The following AUTS2 variants were observed in gnomAD, a reference collection of about 807,000 sequenced individuals.
The protein encoded by AUTS2 is autism susceptibility gene 2 protein.
AUTS2 carries 17 observed loss-of-function variants against 112.4 expected under a neutral mutation model. That is an observed-to-expected ratio of 0.15 (90% CI 0.10 to 0.23). AUTS2 has a LOEUF of 0.23. Ranked by LOEUF, AUTS2 falls within the 10% of genes least tolerant of loss-of-function variation. AUTS2 has a pLI of 1.00. For missense variants in AUTS2, 1,510 were observed against 1,701.6 expected (o/e 0.89, Z 1.98); for synonymous variants, 751 against 702.7 (o/e 1.07, Z -1.09).
At chr7:70,197,501 G>A (rs1426912243) in intron 4 of AUTS2, among the ~76,000 whole-genome samples, 2 of 134,810 alleles carry the variant, frequency 1.5e-5, no homozygotes, top group Non-Finnish European at 3.1e-5. Context: ...TGCGCGAGCC[G>A]AAGCAGGGCG....
intron 4 of AUTS2, among the ~76,000 whole-genome samples, chr7:70,266,381 T>C (rs1787423110): frequency 6.6e-6 from 1 of 152,148 alleles, no homozygotes; most frequent in Non-Finnish European, 1.5e-5. Context: ...GGGGAGTGAT[T>C]GCTTAATGGG....
intron 5 of AUTS2, among the ~76,000 whole-genome samples, chr7:70,582,074 G>A (rs562275918): frequency 1.5e-4 from 22 of 146,632 alleles, no homozygotes; most frequent in East Asian, 4.0e-4. Flanking sequence ...ATGTTAAGTC[G>A]TTTTTCAAGG....
intron 1 of AUTS2, among the ~76,000 whole-genome samples, chr7:69,738,617 GGCAGGGCAATTAAGTAT>G (rs1787135762): frequency 6.6e-6 from 1 of 152,126 alleles, no homozygotes; most frequent in African/African-American, 2.4e-5. Context: ...CAGTTTGGTT[GGCAGGGCAATTAAGTAT>G]GCTAGGTGCA....
intron 5 of AUTS2, among the ~76,000 whole-genome samples, chr7:70,443,802 C>A (rs1034560977): frequency 1.3e-5 from 2 of 152,148 alleles, no homozygotes; most frequent in Non-Finnish European, 2.9e-5. Context: ...TCACCATGTA[C>A]CTGTGAGTAA....
intron 1 of AUTS2, among the ~76,000 whole-genome samples, chr7:69,736,794 CT>C (rs1012472821): frequency 2.6e-5 from 4 of 152,006 alleles, no homozygotes; most frequent in Admixed American, 2.6e-4. Context: ...CTTTTGGTGA[CT>C]TTTTTTTCCC....
intron 1 of AUTS2, among the ~76,000 whole-genome samples, chr7:69,887,681 G>T (rs1196583609): frequency 1.3e-5 from 2 of 152,148 alleles, no homozygotes; most frequent in East Asian, 3.9e-4. Flanking sequence ...TACTAATCAG[G>T]ATCAATTTGA....
At chr7:70,329,197 T>C (rs1790633286) in intron 4 of AUTS2, among the ~76,000 whole-genome samples, 1 of 152,236 alleles carries the variant, frequency 6.6e-6, no homozygotes, top group African/African-American at 2.4e-5. Flanking sequence ...ATGTTTGGGC[T>C]GTTTATACCT....
At chr7:70,186,209 T>C (rs1200851658) in intron 4 of AUTS2, among the ~76,000 whole-genome samples, 2 of 152,178 alleles carry the variant, frequency 1.3e-5, no homozygotes, top group Non-Finnish European at 2.9e-5. Context: ...AGAAGTTGTC[T>C]TTGTGTTTTA....
chr7:69,639,474 T>C (rs1279888371), intron 1 of AUTS2, among the ~76,000 whole-genome samples: 1 of 152,238 alleles, frequency 6.6e-6, no homozygotes, highest in African/African-American at 2.4e-5. Flanking sequence ...GGGAAAGAAT[T>C]AGCCACTGGT....
intron 5 of AUTS2, among the ~76,000 whole-genome samples, chr7:70,554,899 A>G (rs1032338520): frequency 2.6e-5 from 4 of 152,342 alleles, no homozygotes; most frequent in Admixed American, 6.5e-5. Flanking sequence ...CACTGTGCCA[A>G]GGAGGCCTGG....
In AUTS2 at chr7:70,777,183, G is replaced by C. The variant is rs749824094; in HGVS notation, c.2004+9G>C. ...ACCAACAGAAAGTCAAGGTCAGTCC[G>C]ACCTTCGTGGTGTAGGGAAGAATGG... On this transcript the variant is annotated intron_variant, in intron 14 of 18. Coordinates refer to ENST00000342771, the MANE Select transcript of AUTS2 (RefSeq NM_015570.4). 1 of 1,613,368 alleles carries C rather than the reference G, an allele frequency of 6.2e-7. No individual in the cohort carries two copies. The highest frequency in any genetic ancestry group is 8.5e-7 in the Non-Finnish European group (1 of 1,179,330).
At chr7:69,897,601 CA>C (rs1325113654) in intron 1 of AUTS2, among the ~76,000 whole-genome samples, 1 of 144,446 alleles carries the variant, frequency 6.9e-6, no homozygotes, top group East Asian at 2.1e-4. Context: ...AAAAAAAAAA[CA>C]AAAAAAATGG....
intron 6 of AUTS2, among the ~76,000 whole-genome samples, chr7:70,728,124 G>A (rs574373462): frequency 1.3e-5 from 2 of 152,134 alleles, no homozygotes; most frequent in South Asian, 2.1e-4. Flanking sequence ...CCAACAGGCC[G>A]TGTTTTAGGG....
rs1802000832 is a variant in AUTS2 at position 70,572,744 on chromosome 7, T to C, written c.691-125825T>C. Among the ~76,000 whole-genome samples the C allele has an allele frequency of 2.0e-5, 3 of 152,326 alleles. No individual in the cohort carries two copies. The South Asian group carries it at 6.2e-4, about 32-fold the overall frequency. ...AGGTCAGAATCGGTGCCACACTGAA[T>C]AGAGCTAAAAGTGTGTTTCATTCTT... is the stretch of plus-strand genomic sequence containing the variant. On this transcript the variant is annotated intron_variant, in intron 5 of 18. Coordinates refer to ENST00000342771, the MANE Select transcript of AUTS2 (RefSeq NM_015570.4).
At chr7:70,043,833 T>C (rs943939103) in intron 2 of AUTS2, among the ~76,000 whole-genome samples, 1 of 152,034 alleles carries the variant, frequency 6.6e-6, no homozygotes, top group Non-Finnish European at 1.5e-5. Context: ...GCTCTCGGAC[T>C]CCCGATCTCA....
At chr7:70,781,998 T>A in intron 15 of AUTS2, 1 of 534,850 alleles carries the variant, frequency 1.9e-6, no homozygotes, top group Non-Finnish European at 3.3e-6. Context: ...ATTGCTTCGG[T>A]TCATTATTTG....
rs35215443 is a variant in AUTS2, at chr7:70,185,257, CTTTTTTTTTTTTTTTTTTTTT to C, written c.660+50693_660+50713del. Among the ~76,000 whole-genome samples the C allele has an allele frequency of 1.5e-4, 13 of 87,118 alleles. 1 individual carries two copies. The East Asian group carries it at 4.9e-3, about 33-fold the overall frequency. 57.2% of individuals were successfully genotyped at this position (87,118 alleles called of 152,430 possible). A position where few individuals can be genotyped will look rare whatever the true frequency, so the allele number is the denominator to read the frequency against. On this transcript the variant is annotated intron_variant, in intron 4 of 18. Coordinates refer to ENST00000342771, the MANE Select transcript of AUTS2 (RefSeq NM_015570.4). Reference sequence around the variant, plus strand: ...TGCTTTGGGCCTAAATGACATTAAACTTTTTTTTTTTTTTTTTTTTTTTTTTTAAGAAACGAGGATCTTCCT... The same window carrying C: ...TGCTTTGGGCCTAAATGACATTAAACTTTTTTAAGAAACGAGGATCTTCCT...
chr7:69,977,165 G>A (rs915292687), intron 2 of AUTS2, among the ~76,000 whole-genome samples: 6 of 152,086 alleles, frequency 3.9e-5, no homozygotes, highest in South Asian at 2.1e-4. Context: ...GCATGTGAGC[G>A]TCCAGTTTTC....
At chr7:69,768,129 CA>C (rs1160645676) in intron 1 of AUTS2, among the ~76,000 whole-genome samples, 1 of 152,146 alleles carries the variant, frequency 6.6e-6, no homozygotes, top group East Asian at 1.9e-4. Context: ...AATGTTTTAT[CA>C]GACAAGTCTC....
Sources: gnomAD v4.1 joint callset for allele counts (sites outside exome capture counted in the v4.1 genomes callset) on GRCh38, gnomAD v4.1.1 for gene constraint, MANE v1.5 for transcripts, NCBI Gene and HGNC (gene_info 2026-07-23, HGNC 2026-07-21) for gene names.